Variants in ZNF829 observed in about 807,000 individuals in gnomAD.
ZNF829 encodes zinc finger protein 829.
ZNF829 carries 25 observed loss-of-function variants against 35.2 expected under a neutral mutation model. That is an observed-to-expected ratio of 0.71 (90% CI 0.52 to 0.99). ZNF829 has a LOEUF of 0.99. ZNF829 is among the 50% of genes least tolerant of loss of function. ZNF829 has a pLI of 0.00. For missense variants in ZNF829, 417 were observed against 515.3 expected, an observed-to-expected ratio of 0.81 and a Z score of 1.85; for synonymous variants, 136 against 163.2, an observed-to-expected ratio of 0.83 and a Z score of 1.27.
chr19:36,903,331 G>T (rs10405290), intron 5 of ZNF829, among the ~76,000 whole-genome samples: 2,050 of 152,188 alleles, frequency 0.013, 58 homozygotes, highest in African/African-American at 0.047. Flanking sequence ...GTTTTGTTTT[G>T]TTTTGTTTTT....
At chr19:36,896,760 T>C (rs190780152) in intron 5 of ZNF829, among the ~76,000 whole-genome samples, 8 of 152,278 alleles carry the variant, frequency 5.3e-5, no homozygotes, top group Admixed American at 1.3e-4. Flanking sequence ...AAAATTGAAA[T>C]CATATCAAGT....
Position 36,900,145 on chromosome 19 carries a change from A to AACACAC in ZNF829, c.320-7680_320-7675dup, listed in dbSNP as rs56218050. On this transcript the variant is annotated intron_variant, in intron 5 of 5. Coordinates refer to ENST00000391711, the MANE Select transcript of ZNF829 (RefSeq NM_001037232.4). ...ACATGGTAAAACTCTGTCTCTACTAAACACACACACACACACACACACACA... is the reference window on the plus strand; with the variant it reads ...ACATGGTAAAACTCTGTCTCTACTAAACACACACACACACACACACACACACACACA... Among the ~76,000 whole-genome samples the AACACAC allele has an allele frequency of 3.8e-3, 459 of 120,480 alleles. 4 individuals are homozygous for AACACAC. The highest frequency in any genetic ancestry group is 0.011 in the African/African-American group (337 of 30,054). The allele number at this position is 120,480 out of a possible 152,430, so 79.0% of individuals were successfully genotyped here. A position where few individuals can be genotyped will look rare whatever the true frequency, so the allele number is the denominator to read the frequency against.
At chr19:36,897,896 C>T (rs562950149) in intron 5 of ZNF829, among the ~76,000 whole-genome samples, 5 of 152,322 alleles carry the variant, frequency 3.3e-5, no homozygotes, top group East Asian at 1.9e-4. Context: ...ACGCTGGGCA[C>T]GGTGGCTCAC....
chr19:36,909,493 C>T (rs2073245068), intron 3 of ZNF829, among the ~76,000 whole-genome samples: 1 of 152,120 alleles, frequency 6.6e-6, no homozygotes, highest in African/African-American at 2.4e-5. Context: ...AGGTCCTAAT[C>T]ACAGGGATAG....
chr19:36,909,307 C>G (rs1379982805), intron 3 of ZNF829, among the ~76,000 whole-genome samples: 1 of 151,996 alleles, frequency 6.6e-6, no homozygotes, highest in Admixed American at 6.6e-5. Context: ...AGGCAACTGA[C>G]AGCAATGTTA....
intron 3 of ZNF829, among the ~76,000 whole-genome samples, chr19:36,913,379 A>C (rs1172524439): frequency 6.6e-6 from 1 of 152,180 alleles, no homozygotes; most frequent in Non-Finnish European, 1.5e-5. Context: ...TTTTCAGATA[A>C]AATGATTACC....
chr19:36,891,736 T>G lies in ZNF829; in HGVS notation c.1055A>C (p.Tyr352Ser). 3.1e-6 allele frequency: 5 copies of G among 1,614,142 alleles called. No individual in the cohort carries two copies. Among genetic ancestry groups the G allele is most frequent in the Non-Finnish European group, 4.2e-6 (5 of 1,180,012 alleles). Residue 352 changes from tyrosine to serine, a missense_variant, in exon 6 of 6, where the codon TAT becomes TCT. Tyr to Ser is a moderately radical substitution (Grantham distance 144). Coordinates refer to ENST00000391711, the MANE Select transcript of ZNF829 (RefSeq NM_001037232.4). ...HHRIHAGEKL[Y>S]ECEECRKAFI... is the part of the protein sequence containing the mutation. ...GGCCTTTCTACATTCTTCACATTCA[T>G]AGAGCTTCTCACCAGCATGAATTCT...
At chr19:36,894,739 G>T (rs112525668) in intron 5 of ZNF829, among the ~76,000 whole-genome samples, 1,982 of 152,074 alleles carry the variant, frequency 0.013, 45 homozygotes, top group African/African-American at 0.045. Context: ...TTTTTTAAAA[G>T]AATCCAGGAA....
intron 5 of ZNF829, among the ~76,000 whole-genome samples, chr19:36,895,849 A>C (rs938271785): frequency 6.6e-6 from 1 of 152,106 alleles, no homozygotes; most frequent in African/African-American, 2.4e-5. Flanking sequence ...ACCCAGATAT[A>C]TAAGCAAATA....
chr19:36,900,148 AC>A (rs1568369432), intron 5 of ZNF829, among the ~76,000 whole-genome samples: 1,046 of 16,698 alleles, frequency 0.063, 25 homozygotes, highest in Middle Eastern at 0.14. Context: ...TCTACTAAAC[AC>A]ACACACACAC....
At chr19:36,902,950 C>T (rs913094287) in intron 5 of ZNF829, among the ~76,000 whole-genome samples, 1 of 151,884 alleles carries the variant, frequency 6.6e-6, no homozygotes, top group Non-Finnish European at 1.5e-5. Flanking sequence ...GCAGGAGAAT[C>T]GCTTGAACCC....
At chr19:36,912,607 C>A (rs1458438636) in intron 3 of ZNF829, 1 of 152,028 alleles carries the variant, frequency 6.6e-6, no homozygotes, top group Non-Finnish European at 1.5e-5. Flanking sequence ...TGTGGTATAT[C>A]CTTGTTTTAC....
chr19:36,900,715 G>A (rs996320199), intron 5 of ZNF829, among the ~76,000 whole-genome samples: 3 of 152,002 alleles, frequency 2.0e-5, no homozygotes, highest in African/African-American at 7.2e-5. Context: ...GGGTGTGGTG[G>A]CATGAGCATG....
intron 5 of ZNF829, chr19:36,892,981 C>A (rs530969718): frequency 2.3e-5 from 10 of 430,580 alleles, no homozygotes. Context: ...GGGCATGCAC[C>A]ATGCGTGAGA....
chr19:36,894,839 G>T (rs986595551), intron 5 of ZNF829, among the ~76,000 whole-genome samples: 1 of 152,164 alleles, frequency 6.6e-6, no homozygotes, highest in Admixed American at 6.5e-5. Context: ...CAAATTTTGG[G>T]TATTCTAGGA....
chr19:36,891,409 A>T lies in ZNF829; in HGVS notation c.*83T>A. 1 of 1,345,596 alleles carries T rather than the reference A, an allele frequency of 7.4e-7. No homozygotes were observed. The highest frequency in any genetic ancestry group is 1.5e-5 in the African/African-American group (1 of 67,774). The allele number at this position is 1,345,596 out of a possible 1,614,324, so 83.4% of individuals were successfully genotyped here. On this transcript the variant is annotated 3_prime_UTR_variant, in exon 6 of 6. Coordinates refer to ENST00000391711, the MANE Select transcript of ZNF829 (RefSeq NM_001037232.4). ...ACGAATACATAGGAGAACCTTTGAT[A>T]ATATGTATCCTAATTTGTTCTCCTT...
chr19:36,900,723 AT>A (rs2073157850), intron 5 of ZNF829, among the ~76,000 whole-genome samples: 1 of 151,556 alleles, frequency 6.6e-6, no homozygotes, highest in African/African-American at 2.4e-5. Flanking sequence ...TGGCATGAGC[AT>A]GTAATCCCAG....
chr19:36,902,571 G>T (rs918138338), intron 5 of ZNF829, among the ~76,000 whole-genome samples: 1 of 152,080 alleles, frequency 6.6e-6, no homozygotes, highest in African/African-American at 2.4e-5. Context: ...GGAGAGGCGG[G>T]TGTGGTGGAG....
At chr19:36,908,289 C>T (rs1382612026) in intron 4 of ZNF829, 44 bp downstream of exon 4, 1 of 1,582,100 alleles carries the variant, frequency 6.3e-7, no homozygotes, top group Non-Finnish European at 8.6e-7. Flanking sequence ...AAAGGAGACA[C>T]TTCCAAGGGC....
Sources: gnomAD v4.1 joint callset for allele counts (sites outside exome capture counted in the v4.1 genomes callset) on GRCh38, gnomAD v4.1.1 for gene constraint, MANE v1.5 for transcripts, NCBI Gene and HGNC (gene_info 2026-07-23, HGNC 2026-07-21) for gene names.